The following CDK13 variants were observed in gnomAD, a reference collection of about 807,000 sequenced individuals.
The protein encoded by CDK13 is cyclin-dependent kinase 13.
CDK13 carries 40 observed loss-of-function variants against 137.6 expected under a neutral mutation model. That is an observed-to-expected ratio of 0.29 (90% CI 0.23 to 0.38). CDK13 has a LOEUF of 0.38. Ranked by LOEUF, CDK13 falls within the 10% of genes least tolerant of loss-of-function variation. The probability of loss-of-function intolerance (pLI) is 1.00; values close to 1 mark genes in which losing one functional copy is unlikely to be tolerated. For missense variants in CDK13, 1,704 were observed against 1,951.8 expected (o/e 0.87, Z 2.39); for synonymous variants, 869 against 760.1 (o/e 1.14, Z -2.36).
At chr7:40,034,245 A>G (rs902647304) in intron 5 of CDK13, among the ~76,000 whole-genome samples, 1 of 152,140 alleles carries the variant, frequency 6.6e-6, no homozygotes, top group South Asian at 2.1e-4. Context: ...AGCTTTCTGC[A>G]GTTGTAAGTT....
At chr7:40,047,583 A>G (rs1406315065) in intron 6 of CDK13, among the ~76,000 whole-genome samples, 3 of 151,628 alleles carry the variant, frequency 2.0e-5, no homozygotes, top group African/African-American at 7.3e-5. Context: ...CAGTAATTAT[A>G]ATAATCATAT....
intron 12 of CDK13, among the ~76,000 whole-genome samples, chr7:40,089,284 A>C (rs567108473): frequency 1.3e-5 from 2 of 149,438 alleles, no homozygotes; most frequent in South Asian, 4.3e-4. Context: ...AAAATACAAA[A>C]AAAAAATTAG....
Position 39,951,728 on chromosome 7 carries a change from A to G in CDK13, c.1087A>G (p.Ser363Gly). ...RRLPRSPSPY[S>G]RRRSPSYSRH... ...GCTGCCGCGCTCCCCGAGCCCCTAC[A>G]GTCGCCGCCGCTCCCCCAGCTACAG... The change falls in exon 1 of 14, where the codon AGT (serine) becomes GGT (glycine). Residue 363 changes from serine to glycine, a missense_variant. Physicochemically the swap from Ser to Gly is moderately conservative, Grantham distance 56. Coordinates refer to ENST00000181839, the MANE Select transcript of CDK13 (RefSeq NM_003718.5). 3.4e-6 allele frequency: 5 copies of G among 1,482,038 alleles called. No individual in the cohort carries two copies. The South Asian group carries it at 6.8e-5, about 20-fold the overall frequency. The allele number at this position is 1,482,038 out of a possible 1,614,324, so 91.8% of individuals were successfully genotyped here. A position where few individuals can be genotyped will look rare whatever the true frequency, so the allele number is the denominator to read the frequency against.
In CDK13 at chr7:39,997,631, C is replaced by G. The variant is rs34775357; in HGVS notation, c.2009C>G (p.Thr670Arg). 7,208 of 1,613,690 alleles carry G rather than the reference C, an allele frequency of 4.5e-3. 44 individuals are homozygous for G. Among genetic ancestry groups the G allele is most frequent in the Non-Finnish European group, 5.5e-3 (6,438 of 1,179,796 alleles). Residue 670 changes from threonine to arginine, a missense_variant, in exon 3 of 14, where the codon ACA becomes AGA. Transcript: ENST00000181839. ...DLSKSPEEKK[T>R]ATQLHSKRRP... ...TCAAAGAGTCCAGAGGAAAAGAAAA[C>G]AGCAACACAGTTACATAGTAAAAGG...
At position 39,987,918 on chromosome 7, in the gene CDK13, C is replaced by G. The variant is rs1233106239; in HGVS notation, c.1531C>G (p.His511Asp). Reference protein sequence around the residue: ...ETSASASQTNHVKDVKKIKIE... With the variant: ...ETSASASQTNDVKDVKKIKIE... ...TAGTGCCAGTGCATCACAAACAAAC[C>G]ATGTGAAGGATGTGAAGAAAATTAA... Residue 511 changes from histidine to aspartate, a missense_variant, in exon 2 of 14, where the codon CAT becomes GAT. Coordinates refer to ENST00000181839, the MANE Select transcript of CDK13 (RefSeq NM_003718.5). The G allele has an allele frequency of 4.3e-6, 7 of 1,614,116 alleles. No individual in the cohort carries two copies. In the East Asian group the frequency reaches 1.6e-4, roughly 36 times the overall value.
chr7:39,986,083 T>C (rs971684474), intron 1 of CDK13: 5 of 152,218 alleles, frequency 3.3e-5, no homozygotes, highest in Non-Finnish European at 5.9e-5. Context: ...TATTGGGAGA[T>C]AGGGCAGTTG....
intron 1 of CDK13, among the ~76,000 whole-genome samples, chr7:39,979,288 T>A (rs1157780801): frequency 2.0e-5 from 3 of 149,524 alleles, no homozygotes; most frequent in Non-Finnish European, 4.4e-5. Context: ...ATGATCTCGG[T>A]TCACCGCAAC....
chr7:40,046,529 G>A (rs1785744969), intron 6 of CDK13, among the ~76,000 whole-genome samples: 1 of 151,634 alleles, frequency 6.6e-6, no homozygotes, highest in Admixed American at 6.6e-5. Context: ...TGCCTGTGAT[G>A]CCAGCTACAC....
chr7:40,063,223 C>T, intron 9 of CDK13, 123 bp downstream of exon 9: 1 of 700,162 alleles, frequency 1.4e-6, no homozygotes, highest in East Asian at 2.7e-5. Context: ...GGGCTTATGA[C>T]TGCTAAATGG....
At chr7:40,069,286 T>G (rs1448640178) in intron 9 of CDK13, 1 of 446,696 alleles carries the variant, frequency 2.2e-6, no homozygotes, top group South Asian at 1.6e-5. Flanking sequence ...CAATTTTGAT[T>G]TCATAGCATT....
At chr7:40,063,389 A>G (rs532073383) in intron 9 of CDK13, among the ~76,000 whole-genome samples, 3 of 152,326 alleles carry the variant, frequency 2.0e-5, no homozygotes, top group Admixed American at 2.0e-4. Context: ...AAGACTGGCA[A>G]GGAAGAGTAA....
rs1009945796 is a variant in CDK13 at position 40,028,321 on chromosome 7, T to G, written c.2354-17515T>G. Among the ~76,000 whole-genome samples the G allele has an allele frequency of 3.3e-5, 5 of 151,076 alleles. No homozygotes were observed. The South Asian group carries it at 1.0e-3, about 31-fold the overall frequency. Reference sequence around the variant, plus strand: ...ACAAGCTCCGCCTCCCAGGTTCACGTCATTCTGCTGCCTCAGCCTCCTGAG... The same window carrying G: ...ACAAGCTCCGCCTCCCAGGTTCACGGCATTCTGCTGCCTCAGCCTCCTGAG... On this transcript the variant is annotated intron_variant, in intron 5 of 13. Coordinates refer to ENST00000181839, the MANE Select transcript of CDK13 (RefSeq NM_003718.5).
chr7:39,989,576 C>A (rs1420441529), intron 2 of CDK13, among the ~76,000 whole-genome samples: 1 of 151,956 alleles, frequency 6.6e-6, no homozygotes, highest in Non-Finnish European at 1.5e-5. Context: ...TGTTGGGAGA[C>A]CCCATCCAAT....
At chr7:40,069,263 TAAAA>T (rs1481685067) in intron 9 of CDK13, 1 of 447,066 alleles carries the variant, frequency 2.2e-6, no homozygotes, top group Non-Finnish European at 4.5e-6. Context: ...CAACAAAACA[TAAAA>T]AGATGCTTCA....
rs370080680 is a variant in CDK13 at position 40,094,119 on chromosome 7, G to T, written c.3689-11G>T. 2 of 1,610,602 alleles carry T rather than the reference G, an allele frequency of 1.2e-6. No individual in the cohort carries two copies. The highest frequency in any genetic ancestry group is 2.2e-5 in the East Asian group (1 of 44,800). On this transcript the variant is annotated splice_polypyrimidine_tract_variant and intron_variant, in intron 13 of 13. Coordinates refer to ENST00000181839, the MANE Select transcript of CDK13 (RefSeq NM_003718.5). ...TAACTTTTGACCTTGTTTTTGCTCT[G>T]TTTCACTTAGGACAAGATGACCTCA...
chr7:40,004,940 G>A (rs2116341105), intron 5 of CDK13, among the ~76,000 whole-genome samples: 1 of 152,286 alleles, frequency 6.6e-6, no homozygotes, highest in South Asian at 2.1e-4. Context: ...GGCCGAGGTA[G>A]GTGGATCACC....
chr7:40,041,908 G>A (rs1785614888), intron 5 of CDK13, among the ~76,000 whole-genome samples: 1 of 152,106 alleles, frequency 6.6e-6, no homozygotes. Flanking sequence ...TTGCAGTCTT[G>A]CCACGTGAAA....
chr7:40,091,179 A>G lies in CDK13; in HGVS notation c.3236-1606A>G, dbSNP rs374425665. 9.9e-5 allele frequency among the ~76,000 whole-genome samples: 15 copies of G among 151,998 alleles called. No individual in the cohort carries two copies. In the South Asian group the frequency reaches 3.1e-3, roughly 32 times the overall value. On this transcript the variant is annotated intron_variant, in intron 12 of 13. Coordinates refer to ENST00000181839, the MANE Select transcript of CDK13 (RefSeq NM_003718.5). ...GCTAACACGGTGAAATCCCATCTCT[A>G]CTAAAAATACAAAAAATTAGCCGGG...
At position 40,099,024 on chromosome 7, in the gene CDK13, C is replaced by G. The variant is rs1405728096; in HGVS notation, c.*4044C>G. 6.6e-6 allele frequency: 1 copy of G among 151,018 alleles called. No individual in the cohort carries two copies. The highest frequency in any genetic ancestry group is 1.5e-5 in the Non-Finnish European group (1 of 67,756). The allele number at this position is 151,018 out of a possible 1,614,324, so 9.4% of individuals were successfully genotyped here. ...TGCAAACATAATTTGCTTTTAAGTT[C>G]TTTCAAGGTTTTATGCAATAAAACC... On this transcript the variant is annotated 3_prime_UTR_variant, in exon 14 of 14. Transcript: ENST00000181839.
Sources: allele counts gnomAD v4.1 joint callset (sites outside exome capture counted in the v4.1 genomes callset), GRCh38; gene constraint gnomAD v4.1.1; transcripts MANE v1.5; gene names NCBI Gene and HGNC (gene_info 2026-07-23, HGNC 2026-07-21).